The following GANC variants were observed in gnomAD, a reference collection of about 807,000 sequenced individuals.
The protein encoded by GANC is neutral alpha-glucosidase C.
GANC carries 117 observed loss-of-function variants against 124.2 expected under a neutral mutation model. The observed-to-expected ratio is 0.94, with a 90% CI of 0.81 to 1.10. GANC has a LOEUF of 1.10. Among genes scored for constraint, GANC ranks in the 50% least tolerant of loss-of-function variants. The pLI, the probability that GANC is intolerant of heterozygous loss-of-function variation, is 0.00. For missense variants in GANC, 1,140 were observed against 1,095.0 expected, an observed-to-expected ratio of 1.04 and a Z score of -0.58; for synonymous variants, 377 against 376.8, an observed-to-expected ratio of 1.00 and a Z score of -0.01.
intron 15 of GANC, among the ~76,000 whole-genome samples, chr15:42,331,847 T>C (rs1393921130): frequency 6.6e-6 from 1 of 152,056 alleles, no homozygotes; most frequent in East Asian, 1.9e-4. Context: ...AAATGGTAGA[T>C]TTAATTGCAT....
intron 14 of GANC, 42 bp from the exon 15 acceptor site, chr15:42,330,534 A>G (rs973194934): frequency 1.9e-5 from 28 of 1,443,946 alleles, no homozygotes; most frequent in East Asian, 6.8e-5. Flanking sequence ...GTCTGTACAA[A>G]TCCAATCATC....
chr15:42,295,850 T>C (rs2051886770), intron 5 of GANC, among the ~76,000 whole-genome samples: 1 of 152,066 alleles, frequency 6.6e-6, no homozygotes, highest in Non-Finnish European at 1.5e-5. Flanking sequence ...CATTAAAGAT[T>C]GTTACGTTGA....
chr15:42,294,411 T>C (rs1160687722), intron 5 of GANC, among the ~76,000 whole-genome samples: 1 of 150,610 alleles, frequency 6.6e-6, no homozygotes, highest in East Asian at 1.9e-4. Context: ...CTGTCTCTAG[T>C]AAAAATACAA....
chr15:42,326,762 C>G (rs1219067966), intron 12 of GANC, among the ~76,000 whole-genome samples: 2 of 152,160 alleles, frequency 1.3e-5, no homozygotes, highest in Non-Finnish European at 2.9e-5. Context: ...CCTGCAAGCT[C>G]TCTCCTTGTG....
intron 4 of GANC, among the ~76,000 whole-genome samples, chr15:42,290,068 AG>A (rs1176464304): frequency 6.6e-6 from 1 of 152,228 alleles, no homozygotes; most frequent in East Asian, 1.9e-4. Flanking sequence ...CTGTTGTTCA[AG>A]CTACCCAGTT....
intron 2 of GANC, among the ~76,000 whole-genome samples, chr15:42,276,939 T>C (rs1275851405): frequency 1.3e-5 from 2 of 152,158 alleles, no homozygotes; most frequent in South Asian, 2.1e-4. Context: ...TGCATGGAGA[T>C]TGTTTCTCCT....
chr15:42,304,028 C>T (rs959579489), intron 6 of GANC, among the ~76,000 whole-genome samples: 1 of 152,176 alleles, frequency 6.6e-6, no homozygotes, highest in African/African-American at 2.4e-5. Flanking sequence ...GCAGAACTCT[C>T]CACCCTAAAT....
chr15:42,349,567 A>G (rs2052403798), intron 22 of GANC, 72 bp downstream of exon 22: 2 of 769,084 alleles, frequency 2.6e-6, no homozygotes, highest in Admixed American at 2.3e-5. Flanking sequence ...CTCAAATCAA[A>G]TGCACAGGTA....
At chr15:42,342,623 C>T (rs1028583682) in intron 18 of GANC, among the ~76,000 whole-genome samples, 5 of 152,082 alleles carry the variant, frequency 3.3e-5, no homozygotes, top group South Asian at 2.1e-4. Flanking sequence ...AAACTGCAGC[C>T]TCTCTGATGA....
rs1336321880 is a variant in GANC, at chr15:42,278,482, G to A, written c.93G>A (p.Arg31=). 1.9e-6 allele frequency: 3 copies of A among 1,598,062 alleles called. No homozygotes were observed. The highest frequency in any genetic ancestry group is 2.6e-6 in the Non-Finnish European group (3 of 1,167,686). The change falls in exon 3 of 24, where the codon AGG becomes AGA. Residue 31 remains arginine, a splice_region_variant and synonymous_variant. Transcript: ENST00000318010. ...FRDCNKIAFY[R]RQKQWLSKKS... is the part of the protein sequence containing the mutation. The stretch of plus-strand genomic sequence containing the variant: ...GCATCTGCATACTCCGTATCTATAG[G>A]CGTCAGAAACAGTGGCTTTCCAAGA...
In GANC at chr15:42,340,763, T is replaced by G. The variant is rs1248167380; in HGVS notation, c.2152+9T>G. On this transcript the variant is annotated intron_variant, in intron 18 of 23. Transcript: ENST00000318010. Reference sequence around the variant, plus strand: ...AGATGAATACATGCTGGGTGAGCATTTCTGTTTTTTTTTTTTTTTTTGAGA... The same window carrying G: ...AGATGAATACATGCTGGGTGAGCATGTCTGTTTTTTTTTTTTTTTTTGAGA... 6.3e-7 allele frequency: 1 copy of G among 1,586,694 alleles called. No homozygotes were observed. The highest frequency in any genetic ancestry group is 1.4e-5 in the African/African-American group (1 of 72,882).
In GANC at chr15:42,292,898, C is replaced by T. The variant is rs200516622; in HGVS notation, c.493C>T (p.Gln165Ter). Reference protein sequence around the residue: ...SLGQLYFEHLQILHKQRAAKE... With the variant: ...SLGQLYFEHL ...GGGCCAATTATACTTTGAGCATCTA[C>T]AGATTCTTCACAAACAAAGGTATTC... Residue 165 changes from glutamine to a stop codon, truncating the protein, a stop_gained, in exon 5 of 24, where the codon CAG becomes TAG. Transcript: ENST00000318010. LOFTEE classifies it high-confidence loss of function. 1.3e-4 allele frequency: 211 copies of T among 1,613,832 alleles called. No individual in the cohort carries two copies. Among genetic ancestry groups the T allele is most frequent in the Non-Finnish European group, 1.7e-4 (204 of 1,179,876 alleles).
chr15:42,309,275 G>A (rs2052028030), intron 8 of GANC, among the ~76,000 whole-genome samples: 1 of 151,878 alleles, frequency 6.6e-6, no homozygotes, highest in East Asian at 1.9e-4. Context: ...CCCCAATTCA[G>A]TTCCCCATCT....
At chr15:42,334,809 A>G (rs1309386704) in intron 15 of GANC, among the ~76,000 whole-genome samples, 1 of 152,156 alleles carries the variant, frequency 6.6e-6, no homozygotes, top group African/African-American at 2.4e-5. Context: ...ACTAATAAAG[A>G]AGAAAAGAGA....
rs1196298258 is a variant in GANC at position 42,283,441 on chromosome 15, GAGAT to G, written c.202-4249_202-4246del. 2.6e-5 allele frequency among the ~76,000 whole-genome samples: 4 copies of G among 152,202 alleles called. No homozygotes were observed. The East Asian group carries it at 7.7e-4, about 29-fold the overall frequency. The stretch of plus-strand genomic sequence containing the variant: ...AAAATTTGGTCTGGATTGAGAAAGA[GAGAT>G]CTAGTCTTGTGATCTAGGCAAAGGA... On this transcript the variant is annotated intron_variant, in intron 3 of 23. Coordinates refer to ENST00000318010, the MANE Select transcript of GANC (RefSeq NM_198141.3).
Position 42,321,800 on chromosome 15 carries a change from C to G in GANC, c.1073C>G (p.Pro358Arg). ...YSHLTGTQAM[P>R]PLFSLGYHQC... ...CCTCTTTTAGGCACACAAGCCATGC[C>G]CCCTCTTTTCTCTTTGGGATACCAC... The change falls in exon 11 of 24, where the codon CCC becomes CGC. Residue 358 changes from proline (P) to arginine (R), a missense_variant. Physicochemically the swap from Pro to Arg is moderately radical, Grantham distance 103. Transcript: ENST00000318010. 3 of 1,614,164 alleles carry G rather than the reference C, an allele frequency of 1.9e-6. No homozygotes were observed. The highest frequency in any genetic ancestry group is 2.5e-6 in the Non-Finnish European group (3 of 1,180,000).
Position 42,352,055 on chromosome 15 carries a change from T to TAA in GANC, c.2662_2663insAA (p.Thr888LysfsTer10). On this transcript the variant is annotated frameshift_variant, in exon 24 of 24. Coordinates refer to ENST00000318010, the MANE Select transcript of GANC (RefSeq NM_198141.3). LOFTEE classifies it high-confidence loss of function. The stretch of plus-strand genomic sequence containing the variant: ...ATGGTAAAGATCAGCCTGTGGCTTT[T>TAA]ACGTATTGTGCCAAAACATCCATCC... 7 of 1,614,192 alleles carry TAA rather than the reference T, an allele frequency of 4.3e-6. No individual in the cohort carries two copies. The highest frequency in any genetic ancestry group is 5.9e-6 in the Non-Finnish European group (7 of 1,180,002).
At chr15:42,316,987 T>A (rs549767843) in intron 10 of GANC, among the ~76,000 whole-genome samples, 1 of 152,372 alleles carries the variant, frequency 6.6e-6, no homozygotes, top group Non-Finnish European at 1.5e-5. Flanking sequence ...TGATTAATAA[T>A]GTTTACGCTA....
In GANC at chr15:42,297,672, C is replaced by T. The variant is rs781589852; in HGVS notation, c.558+16C>T. ...CACCTCTCAGGTAATCTAGATTGAT[C>T]CATTTATTGTTATCTTTTTCACCAT... On this transcript the variant is annotated intron_variant, in intron 6 of 23. Transcript: ENST00000318010. The T allele has an allele frequency of 5.2e-5, 82 of 1,572,342 alleles. No individual in the cohort carries two copies. Among genetic ancestry groups the T allele is most frequent in the Middle Eastern group, 3.3e-4 (2 of 5,982 alleles).
Sources: gnomAD v4.1 joint callset for allele counts (sites outside exome capture counted in the v4.1 genomes callset) on GRCh38, gnomAD v4.1.1 for gene constraint, MANE v1.5 for transcripts, NCBI Gene and HGNC (gene_info 2026-07-23, HGNC 2026-07-21) for gene names.